PTDSS1: variants seen among roughly 807,000 people sequenced by gnomAD.
PTDSS1 encodes phosphatidylserine synthase 1, also known as PSS-1.
In PTDSS1, 45 loss-of-function variants were observed where a neutral mutation model predicts 70.5. That is an observed-to-expected ratio of 0.64 (90% CI 0.50 to 0.82). The LOEUF (loss-of-function observed/expected upper bound fraction) is 0.82, where lower values mean the gene tolerates loss of function less well. Among genes scored for constraint, PTDSS1 ranks in the 40% least tolerant of loss-of-function variants. The probability of loss-of-function intolerance (pLI) is 0.00; values close to 1 mark genes in which losing one functional copy is unlikely to be tolerated. For synonymous variants in PTDSS1, 188 were observed against 203.8 expected (o/e 0.92, Z 0.66); for missense variants, 417 against 586.1 (o/e 0.71, Z 2.98).
intron 9 of PTDSS1, among the ~76,000 whole-genome samples, chr8:96,317,704 C>T (rs1193709246): frequency 6.6e-6 from 1 of 151,944 alleles, no homozygotes; most frequent in African/African-American, 2.4e-5. Flanking sequence ...CACTGCATTC[C>T]AGCCTGGGCA....
At chr8:96,297,987 G>A (rs79232355) in intron 5 of PTDSS1, among the ~76,000 whole-genome samples, 16 of 152,300 alleles carry the variant, frequency 1.1e-4, no homozygotes, top group East Asian at 5.8e-4. Context: ...CCAGAACCTG[G>A]TACCTTCCAG....
chr8:96,274,639 C>T (rs1378951509), intron 2 of PTDSS1, among the ~76,000 whole-genome samples: 2 of 152,120 alleles, frequency 1.3e-5, no homozygotes, highest in East Asian at 3.9e-4. Flanking sequence ...GCAGGAGAAT[C>T]GTTTGAACCC....
chr8:96,293,794 C>T (rs747291099), intron 4 of PTDSS1, among the ~76,000 whole-genome samples: 1 of 152,208 alleles, frequency 6.6e-6, no homozygotes, highest in Non-Finnish European at 1.5e-5. Context: ...CCTTCCTTAT[C>T]TAACCCTACA....
intron 9 of PTDSS1, 49 bp from the exon 10 acceptor site, chr8:96,320,197 G>C: frequency 1.4e-6 from 2 of 1,465,450 alleles, no homozygotes; most frequent in South Asian, 2.3e-5. Flanking sequence ...TAAAGTGTAT[G>C]CTCTGGTAAG....
At chr8:96,284,196 A>G (rs540579391) in intron 3 of PTDSS1, 43 bp downstream of exon 3, 37 of 1,531,134 alleles carry the variant, frequency 2.4e-5, no homozygotes, top group African/African-American at 9.6e-5. Context: ...CTATTTTTTT[A>G]ATCTTTTTTC....
intron 6 of PTDSS1, 98 bp downstream of exon 6, chr8:96,299,943 G>A: frequency 7.2e-7 from 1 of 1,381,856 alleles, no homozygotes; most frequent in Non-Finnish European, 9.7e-7. Context: ...TTGATGATAA[G>A]GAATAAATTC....
chr8:96,323,633 C>T (rs1811401675), intron 10 of PTDSS1, among the ~76,000 whole-genome samples: 1 of 152,198 alleles, frequency 6.6e-6, no homozygotes, highest in African/African-American at 2.4e-5. Context: ...GAGGGCTCCC[C>T]AGGCCTGTAA....
intron 10 of PTDSS1, among the ~76,000 whole-genome samples, chr8:96,324,659 ATTC>A (rs1412754529): frequency 6.6e-6 from 1 of 152,298 alleles, no homozygotes; most frequent in African/African-American, 2.4e-5. Context: ...GCCTGAATCC[ATTC>A]ATGAGGGCTT....
At chr8:96,332,762 A>G (rs1049128964) in intron 12 of PTDSS1, among the ~76,000 whole-genome samples, 1 of 152,246 alleles carries the variant, frequency 6.6e-6, no homozygotes, top group Non-Finnish European at 1.5e-5. Flanking sequence ...TGCTCCTTAC[A>G]GTGGAGACTG....
rs1228621341 is a variant in PTDSS1, at chr8:96,273,346, T to C, written c.227T>C (p.Val76Ala). ...EDNIWRGILS[V>A]IFFFLIISVL... ...AACATCTGGAGAGGCATCCTCTCTG[T>C]TATTTTCTTCTTTCTTATCATCAGT... Residue 76 changes from valine to alanine, a missense_variant, in exon 2 of 13, where the codon GTT becomes GCT. Val to Ala is a moderately conservative substitution (Grantham distance 64, BLOSUM62 0). Coordinates refer to ENST00000517309, the MANE Select transcript of PTDSS1 (RefSeq NM_014754.3). 6.2e-7 allele frequency: 1 copy of C among 1,612,846 alleles called. No individual in the cohort carries two copies. The highest frequency in any genetic ancestry group is 8.5e-7 in the Non-Finnish European group (1 of 1,179,598).
chr8:96,275,860 A>G (rs1810633615), intron 2 of PTDSS1, among the ~76,000 whole-genome samples: 1 of 152,212 alleles, frequency 6.6e-6, no homozygotes, highest in South Asian at 2.1e-4. Context: ...TCATCACTCA[A>G]TGCCATGACC....
chr8:96,310,129 A>T lies in PTDSS1; in HGVS notation c.1073+507A>T, dbSNP rs958738593. Among the ~76,000 whole-genome samples, 11 of 151,530 alleles carry T rather than the reference A, an allele frequency of 7.3e-5. No homozygotes were observed. The East Asian group carries it at 2.2e-3, about 30-fold the overall frequency. On this transcript the variant is annotated intron_variant, in intron 9 of 12. Transcript: ENST00000517309. ...AGCCTGGGCGATAGAGTGAGACTCC[A>T]TGTTAAAAAACAAACAGACAAAAAG...
intron 5 of PTDSS1, among the ~76,000 whole-genome samples, chr8:96,298,490 A>G (rs1386497645): frequency 6.6e-6 from 1 of 152,078 alleles, no homozygotes; most frequent in Admixed American, 6.6e-5. Context: ...GTTTTGGACA[A>G]AACAAATTGA....
chr8:96,285,836 A>T (rs1293982014), intron 3 of PTDSS1, among the ~76,000 whole-genome samples: 1 of 152,202 alleles, frequency 6.6e-6, no homozygotes, highest in Non-Finnish European at 1.5e-5. Context: ...TAATGTAATT[A>T]TTCAAGAGGA....
At chr8:96,295,013 C>G (rs1586194594) in intron 4 of PTDSS1, 85 bp from the exon 5 acceptor site, 1 of 1,321,686 alleles carries the variant, frequency 7.6e-7, no homozygotes, top group East Asian at 2.4e-5. Context: ...AAGTTCATAT[C>G]TATTCTTTTT....
intron 10 of PTDSS1, among the ~76,000 whole-genome samples, chr8:96,323,930 G>A (rs1811405117): frequency 6.6e-6 from 1 of 152,126 alleles, no homozygotes; most frequent in African/African-American, 2.4e-5. Flanking sequence ...TCCTTCCTCT[G>A]GAATCTCATT....
chr8:96,273,150 T>C, intron 1 of PTDSS1, 149 bp from the exon 2 acceptor site: 1 of 568,682 alleles, frequency 1.8e-6, no homozygotes, highest in Non-Finnish European at 3.1e-6. Flanking sequence ...TATTGTATGA[T>C]CTGTATAAAT....
intron 5 of PTDSS1, among the ~76,000 whole-genome samples, chr8:96,297,524 G>A (rs1346358962): frequency 6.6e-6 from 1 of 152,106 alleles, no homozygotes; most frequent in Admixed American, 6.6e-5. Flanking sequence ...CTGCCTACGA[G>A]GCTCCAGGTT....
At position 96,294,586 on chromosome 8, in the gene PTDSS1, C is replaced by T. The variant is rs1031341002; in HGVS notation, c.442-512C>T. On this transcript the variant is annotated intron_variant, in intron 4 of 12. Transcript: ENST00000517309. ...AAGTTGGGTGCTTTTCTTCTTTTTT[C>T]TAGCATAACTATTTAAGGCTTTACA... 2.0e-5 allele frequency among the ~76,000 whole-genome samples: 3 copies of T among 151,750 alleles called. No individual in the cohort carries two copies. The East Asian group carries it at 5.8e-4, about 29-fold the overall frequency.
Sources: gnomAD v4.1 joint callset for allele counts (sites outside exome capture counted in the v4.1 genomes callset) on GRCh38, gnomAD v4.1.1 for gene constraint, MANE v1.5 for transcripts, NCBI Gene and HGNC (gene_info 2026-07-23, HGNC 2026-07-21) for gene names.